DYNC2I2: variants seen among roughly 807,000 people sequenced by gnomAD.
DYNC2I2 encodes cytoplasmic dynein 2 intermediate chain 2.
A neutral mutation model predicts 52.0 loss-of-function variants in DYNC2I2; 39 were observed. The ratio of observed to expected loss-of-function variants is 0.75; its 90% CI spans 0.58 to 0.98. DYNC2I2 has a LOEUF of 0.98. Ranked by LOEUF, DYNC2I2 falls within the 50% of genes least tolerant of loss-of-function variation. The pLI, the probability that DYNC2I2 is intolerant of heterozygous loss-of-function variation, is 0.00. For missense variants in DYNC2I2, 743 were observed against 728.4 expected, an observed-to-expected ratio of 1.02 and a Z score of -0.23; for synonymous variants, 359 against 321.1, an observed-to-expected ratio of 1.12 and a Z score of -1.26.
intron 4 of DYNC2I2, 110 bp downstream of exon 4, chr9:128,636,171 C>T (rs992064260): frequency 4.0e-6 from 6 of 1,491,416 alleles, no homozygotes; most frequent in East Asian, 2.5e-5. Context: ...GGTCAGGGCC[C>T]GCCTTCCTGT....
chr9:128,669,319 T>C, the DYNC2I2 span, among the ~76,000 whole-genome samples: 7 of 151,884 alleles, frequency 4.6e-5, no homozygotes, highest in African/African-American at 1.7e-4. Context: ...GAGCCGAGAT[T>C]GCGCCACTGC....
chr9:128,682,283 C>T, the DYNC2I2 span, among the ~76,000 whole-genome samples: 1 of 151,922 alleles, frequency 6.6e-6, no homozygotes, highest in East Asian at 2.0e-4. Flanking sequence ...CTCCTGACCT[C>T]GTGATCCACC....
At position 128,634,379 on chromosome 9, in the gene DYNC2I2, G is replaced by T; in HGVS notation, c.1219C>A (p.Leu407Ile). 6.3e-7 allele frequency: 1 copy of T among 1,586,580 alleles called. No individual in the cohort carries two copies. The highest frequency in any genetic ancestry group is 8.6e-7 in the Non-Finnish European group (1 of 1,167,582). Reference sequence around the variant, plus strand: ...CCGTCAGTCCCAGCGCTCAGGAAGAGATTCCTAGACGGGATGCAGGGGGCC... The same window carrying T: ...CCGTCAGTCCCAGCGCTCAGGAAGATATTCCTAGACGGGATGCAGGGGGCC... ...SVSCSPFHRN[L>I]FLSAGTDGHV... Residue 407 changes from leucine to isoleucine, a missense_variant, in exon 8 of 9, where the codon CTC becomes ATC. Physicochemically the swap from Leu to Ile is conservative, Grantham distance 5. Transcript: ENST00000372715.
chr9:128,634,700 G>A lies in DYNC2I2; in HGVS notation c.1203C>T (p.Ser401=), dbSNP rs758155159. Reference sequence around the variant, plus strand: ...CCTGCCCTACGTACCTGTGGAAGGGGGAACAGCTCACAGAGTAGATGGGAC... The same window carrying A: ...CCTGCCCTACGTACCTGTGGAAGGGAGAACAGCTCACAGAGTAGATGGGAC... ...HGGPIYSVSC[S]PFHRNLFLSA... The change falls in exon 7 of 9, where the codon TCC becomes TCT. Residue 401 remains serine (S), a synonymous_variant. Transcript: ENST00000372715. 1 of 1,569,402 alleles carries A rather than the reference G, an allele frequency of 6.4e-7. No individual in the cohort carries two copies. Among genetic ancestry groups the A allele is most frequent in the South Asian group, 1.2e-5 (1 of 85,264 alleles).
intron 1 of DYNC2I2, among the ~76,000 whole-genome samples, chr9:128,645,314 A>G (rs1449137162): frequency 6.6e-6 from 1 of 152,100 alleles, no homozygotes; most frequent in Non-Finnish European, 1.5e-5. Flanking sequence ...TGGCCAACAC[A>G]GCAAAACTCC....
At chr9:128,683,204 G>A in the DYNC2I2 span, among the ~76,000 whole-genome samples, 1 of 151,094 alleles carries the variant, frequency 6.6e-6, no homozygotes, top group African/African-American at 2.4e-5. Flanking sequence ...TCTGAAACAA[G>A]TGAAGAATGA....
chr9:128,674,699 C>T, the DYNC2I2 span, among the ~76,000 whole-genome samples: 1 of 152,124 alleles, frequency 6.6e-6, no homozygotes, highest in Non-Finnish European at 1.5e-5. Context: ...GCAGAGATTG[C>T]ACCACTGCAC....
the DYNC2I2 span, among the ~76,000 whole-genome samples, chr9:128,669,778 A>G: frequency 6.6e-6 from 1 of 152,128 alleles, no homozygotes; most frequent in Non-Finnish European, 1.5e-5. Context: ...CCCCAGGTTC[A>G]AGGGATTCTC....
chr9:128,649,336 C>T (rs998434939), intron 1 of DYNC2I2, among the ~76,000 whole-genome samples: 11 of 151,834 alleles, frequency 7.2e-5, no homozygotes, highest in Non-Finnish European at 1.6e-4. Flanking sequence ...TCTTTCTACT[C>T]GGGAGACTGA....
chr9:128,673,806 ATTTTTTT>A, the DYNC2I2 span, among the ~76,000 whole-genome samples: 1 of 115,718 alleles, frequency 8.6e-6, no homozygotes, highest in Non-Finnish European at 1.8e-5. Flanking sequence ...GCACCCAGCT[ATTTTTTT>A]TTTTTTTTTT....
intron 4 of DYNC2I2, 81 bp downstream of exon 4, chr9:128,636,200 A>G (rs763537829): frequency 1.7e-5 from 26 of 1,545,104 alleles, no homozygotes; most frequent in Non-Finnish European, 2.0e-5. Context: ...CAAAGGGCCC[A>G]TGGAAAGCTC....
At chr9:128,667,146 C>G in the DYNC2I2 span, among the ~76,000 whole-genome samples, 1 of 151,114 alleles carries the variant, frequency 6.6e-6, no homozygotes, top group African/African-American at 2.4e-5. Context: ...TTGCAGTGAG[C>G]CGAGATCACG....
upstream of DYNC2I2, among the ~76,000 whole-genome samples, chr9:128,660,778 C>CA (rs138320085): frequency 0.018 from 2,662 of 151,856 alleles, 76 homozygotes; most frequent in African/African-American, 0.06. Context: ...CATCCAGGCT[C>CA]AAGTGTAGTG....
chr9:128,657,659 T>G (rs1247084955), upstream of DYNC2I2, among the ~76,000 whole-genome samples: 2 of 151,954 alleles, frequency 1.3e-5, no homozygotes, highest in Non-Finnish European at 2.9e-5. Flanking sequence ...GTTTTAAAAC[T>G]TAGCTGGGCA....
chr9:128,646,070 G>C (rs1398388093), intron 1 of DYNC2I2, among the ~76,000 whole-genome samples: 5 of 152,222 alleles, frequency 3.3e-5, no homozygotes, highest in Admixed American at 2.6e-4. Context: ...AGGTTTAAGG[G>C]AAGAAGCCAT....
chr9:128,653,581 T>C (rs1417281044), intron 1 of DYNC2I2, among the ~76,000 whole-genome samples: 1 of 144,768 alleles, frequency 6.9e-6, no homozygotes, highest in African/African-American at 2.6e-5. Context: ...CCAGGCGTGC[T>C]GGCATGCACC....
chr9:128,672,408 A>G, the DYNC2I2 span, among the ~76,000 whole-genome samples: 1 of 151,698 alleles, frequency 6.6e-6, no homozygotes, highest in Non-Finnish European at 1.5e-5. Flanking sequence ...TGGCCAGGCT[A>G]GTCTCAAACT....
At chr9:128,634,136 G>A in intron 8 of DYNC2I2, 90 bp downstream of exon 8, 1 of 1,579,454 alleles carries the variant, frequency 6.3e-7, no homozygotes, top group Non-Finnish European at 8.6e-7. Flanking sequence ...CCCCATGTGT[G>A]GTCTTTTCCC....
rs1182938425 is a variant in DYNC2I2, at chr9:128,634,295, G to A, written c.1303C>T (p.Leu435Phe). Residue 435 changes from leucine to phenylalanine, a missense_variant, in exon 8 of 9, where the codon CTC becomes TTC. Leu to Phe is a conservative substitution (Grantham distance 22). Transcript: ENST00000372715. ...CAGCGCACAGCAAACAGATACTTGA[G>A]GGAGAGCTGCAGCGAAGTCAAGGGA... is the stretch of plus-strand genomic sequence containing the variant. ...APPLTSLQLS[L>F]KYLFAVRWSP... is the part of the protein sequence containing the mutation. 1 of 1,613,814 alleles carries A rather than the reference G, an allele frequency of 6.2e-7. No individual in the cohort carries two copies. The highest frequency in any genetic ancestry group is 8.5e-7 in the Non-Finnish European group (1 of 1,179,968).
Sources: allele counts gnomAD v4.1 joint callset (sites outside exome capture counted in the v4.1 genomes callset), GRCh38; gene constraint gnomAD v4.1.1; transcripts MANE v1.5; gene names NCBI Gene and HGNC (gene_info 2026-07-23, HGNC 2026-07-21).